Variants in KAZN observed in about 807,000 individuals in gnomAD.
KAZN encodes the protein kazrin, periplakin interacting protein.
A neutral mutation model predicts 87.4 loss-of-function variants in KAZN; 40 were observed. That is an observed-to-expected ratio of 0.46 (90% CI 0.36 to 0.60). The LOEUF is 0.60. Among genes scored for constraint, KAZN ranks in the 20% least tolerant of loss-of-function variants. The probability of loss-of-function intolerance (pLI) is 0.00; values close to 1 mark genes in which losing one functional copy is unlikely to be tolerated. For synonymous variants in KAZN, 466 were observed against 458.3 expected, an observed-to-expected ratio of 1.02 and a Z score of -0.22; for missense variants, 898 against 1,073.9, an observed-to-expected ratio of 0.84 and a Z score of 2.29.
chr1:14,462,001 C>T (rs1300086228), intron 2 of KAZN, among the ~76,000 whole-genome samples: 1 of 151,764 alleles, frequency 6.6e-6, no homozygotes, highest in Non-Finnish European at 1.5e-5. Context: ...TTATAGCTCC[C>T]ACAATTTCCA....
At position 14,181,858 on chromosome 1, in the gene KAZN, C is replaced by G. The variant is rs367719196; in HGVS notation, c.249+1266C>G. Among the ~76,000 whole-genome samples, 81 of 152,260 alleles carry G rather than the reference C, an allele frequency of 5.3e-4. No homozygotes were observed. In the South Asian group the frequency reaches 0.011, roughly 21 times the overall value. Reference sequence around the variant, plus strand: ...GAAATGCCTGGTCCCAATCCTGTAGCCAGCACCTCAGCCAAGGGAACTGCC... The same window carrying G: ...GAAATGCCTGGTCCCAATCCTGTAGGCAGCACCTCAGCCAAGGGAACTGCC... On this transcript the variant is annotated intron_variant, in intron 2 of 16. Transcript: ENST00000636203.
intron 2 of KAZN, among the ~76,000 whole-genome samples, chr1:14,362,419 G>A (rs1243568436): frequency 6.6e-6 from 1 of 152,156 alleles, no homozygotes; most frequent in East Asian, 1.9e-4. Context: ...GACAAACATT[G>A]CAATCTTATG....
At chr1:14,711,245 A>G (rs963075150) in intron 1 of KAZN, among the ~76,000 whole-genome samples, 1 of 151,622 alleles carries the variant, frequency 6.6e-6, no homozygotes, top group African/African-American at 2.4e-5. Context: ...GGCAGCATGC[A>G]CCTGTAGTCC....
chr1:14,146,181 T>G (rs1272015466), intron 1 of KAZN, among the ~76,000 whole-genome samples: 2 of 148,402 alleles, frequency 1.3e-5, no homozygotes, highest in African/African-American at 4.9e-5. Flanking sequence ...CCCATGCATG[T>G]TTTTTTTTTC....
intron 1 of KAZN, among the ~76,000 whole-genome samples, chr1:14,959,322 C>T (rs980726245): frequency 5.3e-5 from 8 of 152,178 alleles, no homozygotes; most frequent in African/African-American, 1.9e-4. Flanking sequence ...ACAGGAAGAA[C>T]CAGGAAAGGG....
At chr1:14,817,410 A>T (rs1467195923) in intron 1 of KAZN, among the ~76,000 whole-genome samples, 2 of 152,210 alleles carry the variant, frequency 1.3e-5, no homozygotes, top group East Asian at 1.9e-4. Flanking sequence ...GATAATCAAG[A>T]CATAGCTCTG....
At chr1:13,940,766 G>A (rs1640899574) in intron 1 of KAZN, among the ~76,000 whole-genome samples, 1 of 152,036 alleles carries the variant, frequency 6.6e-6, no homozygotes, top group South Asian at 2.1e-4. Flanking sequence ...ACCCTTACTG[G>A]GACATTGCTT....
At chr1:14,998,611 C>A (rs562256300) in intron 2 of KAZN, among the ~76,000 whole-genome samples, 1 of 152,204 alleles carries the variant, frequency 6.6e-6, no homozygotes, top group Admixed American at 6.5e-5. Flanking sequence ...TGCAGTGGTG[C>A]CATCTCAGCT....
chr1:14,832,827 T>C (rs969904417), intron 1 of KAZN, among the ~76,000 whole-genome samples: 2 of 152,142 alleles, frequency 1.3e-5, no homozygotes, highest in Non-Finnish European at 1.5e-5. Context: ...AAGAGCAATA[T>C]ATCATGACCT....
chr1:14,077,634 G>T (rs1368765337), intron 1 of KAZN, among the ~76,000 whole-genome samples: 1 of 152,146 alleles, frequency 6.6e-6, no homozygotes, highest in African/African-American at 2.4e-5. Context: ...ACCAAAAGAT[G>T]GTGTAGATAA....
At chr1:14,905,089 C>A (rs1003729858) in intron 1 of KAZN, among the ~76,000 whole-genome samples, 2 of 152,106 alleles carry the variant, frequency 1.3e-5, no homozygotes, top group East Asian at 3.9e-4. Context: ...GACAGAGTCT[C>A]GCTCCTTCGC....
intron 1 of KAZN, among the ~76,000 whole-genome samples, chr1:14,149,128 G>C (rs1645418809): frequency 3.7e-5 from 2 of 54,152 alleles, no homozygotes; most frequent in African/African-American, 7.2e-5. Context: ...TTTTGACAGA[G>C]TCTTGCTCTG....
At chr1:14,959,012 G>T (rs981077126) in intron 1 of KAZN, among the ~76,000 whole-genome samples, 57 of 152,248 alleles carry the variant, frequency 3.7e-4, no homozygotes, top group African/African-American at 1.3e-3. Context: ...CGCCCTCCTG[G>T]GCCTTACAGC....
chr1:14,357,345 A>G (rs946854881), intron 2 of KAZN, among the ~76,000 whole-genome samples: 1 of 152,214 alleles, frequency 6.6e-6, no homozygotes, highest in African/African-American at 2.4e-5. Context: ...TGTTTTCTAA[A>G]TACACAATCA....
At chr1:14,178,799 C>G (rs543759085) in intron 1 of KAZN, among the ~76,000 whole-genome samples, 34 of 152,260 alleles carry the variant, frequency 2.2e-4, no homozygotes, top group African/African-American at 7.7e-4. Flanking sequence ...TGTTCCACTT[C>G]TATAAAAATG....
chr1:14,414,817 G>A (rs1664614425), intron 2 of KAZN, among the ~76,000 whole-genome samples: 2 of 152,212 alleles, frequency 1.3e-5, no homozygotes, highest in South Asian at 2.1e-4. Context: ...CTGAGGTCAG[G>A]AGTTCGAGAC....
chr1:14,274,711 C>T lies in KAZN; in HGVS notation c.249+94119C>T, dbSNP rs79444839. On this transcript the variant is annotated intron_variant, in intron 2 of 16. Coordinates refer to the KAZN transcript ENST00000636203. ...TAGCTCTGCCACATATTAGCTGTGACGTGGGGAGCAGGTCACTCCTCGTTT... is the reference window on the plus strand; with the variant it reads ...TAGCTCTGCCACATATTAGCTGTGATGTGGGGAGCAGGTCACTCCTCGTTT... Among the ~76,000 whole-genome samples the T allele has an allele frequency of 5.0e-3, 754 of 152,236 alleles. 4 individuals are homozygous for T. Among genetic ancestry groups the T allele is most frequent in the African/African-American group, 0.017 (703 of 41,536 alleles).
intron 1 of KAZN, among the ~76,000 whole-genome samples, chr1:14,011,311 CT>C (rs977532687): frequency 6.6e-6 from 1 of 152,232 alleles, no homozygotes; most frequent in African/African-American, 2.4e-5. Flanking sequence ...TCCAGGTCTT[CT>C]TTCTGTTCTT....
intron 1 of KAZN, among the ~76,000 whole-genome samples, chr1:14,004,373 A>T (rs538649715): frequency 1.6e-4 from 24 of 152,358 alleles, no homozygotes; most frequent in Non-Finnish European, 3.1e-4. Flanking sequence ...ATGCATATGT[A>T]TGTTCACCAA....
Sources: allele counts gnomAD v4.1 joint callset (sites outside exome capture counted in the v4.1 genomes callset), GRCh38; gene constraint gnomAD v4.1.1; transcripts MANE v1.5; gene names NCBI Gene and HGNC (gene_info 2026-07-23, HGNC 2026-07-21).